DCC: variants seen among roughly 807,000 people sequenced by gnomAD.
DCC encodes DCC netrin 1 receptor, also known as netrin receptor DCC.
Under a neutral mutation model 172.5 loss-of-function variants are expected in DCC, and 58 were observed. That is an observed-to-expected ratio of 0.34 (90% CI 0.27 to 0.42). The LOEUF (loss-of-function observed/expected upper bound fraction) is 0.42. Among genes scored for constraint, DCC ranks in the 10% least tolerant of loss-of-function variants. The pLI, the probability that DCC is intolerant of heterozygous loss-of-function variation, is 1.00. For synonymous variants in DCC, 709 were observed against 644.5 expected, an observed-to-expected ratio of 1.10 and a Z score of -1.52; for missense variants, 1,740 against 1,791.0, an observed-to-expected ratio of 0.97 and a Z score of 0.51.
At chr18:52,804,018 G>A (rs9951937) in intron 2 of DCC, among the ~76,000 whole-genome samples, 6,218 of 152,212 alleles carry the variant, frequency 0.041, 152 homozygotes, top group Admixed American at 0.052. Flanking sequence ...GGACTCGGGC[G>A]TCTGGGTGAT....
At chr18:52,921,779 G>A (rs1191906080) in intron 3 of DCC, among the ~76,000 whole-genome samples, 4 of 151,212 alleles carry the variant, frequency 2.6e-5, no homozygotes, top group South Asian at 2.1e-4. Flanking sequence ...TAGTAGCATC[G>A]TTGATAGGTC....
chr18:53,331,471 T>C (rs2057529060), intron 14 of DCC, among the ~76,000 whole-genome samples: 1 of 152,172 alleles, frequency 6.6e-6, no homozygotes, highest in Non-Finnish European at 1.5e-5. Context: ...TAGTTGAAGC[T>C]GGTATCCTTA....
intron 13 of DCC, among the ~76,000 whole-genome samples, chr18:53,311,712 A>G (rs1313617957): frequency 1.3e-5 from 2 of 152,184 alleles, no homozygotes; most frequent in Admixed American, 6.5e-5. Flanking sequence ...GCTAAAAGCT[A>G]TATGTGTGTT....
rs950139814 is a variant in DCC, at chr18:53,534,497, T to A, written c.*3844T>A. On this transcript the variant is annotated 3_prime_UTR_variant, in exon 29 of 29. Coordinates refer to ENST00000442544, the MANE Select transcript of DCC (RefSeq NM_005215.4). ...AGCAGCCATACACTCAAGTCTCTGT[T>A]TTTGTAAATCACATTCAAAGCAACA... 1 of 152,208 alleles carries A rather than the reference T, an allele frequency of 6.6e-6. No homozygotes were observed. The highest frequency in any genetic ancestry group is 2.4e-5 in the African/African-American group (1 of 41,456). 9.4% of individuals were successfully genotyped at this position (152,208 alleles called of 1,614,324 possible).
intron 9 of DCC, among the ~76,000 whole-genome samples, chr18:53,203,007 C>A (rs907436244): frequency 6.6e-6 from 1 of 152,046 alleles, no homozygotes; most frequent in African/African-American, 2.4e-5. Flanking sequence ...GGGAGTGCTA[C>A]ACAAATGACA....
chr18:53,023,360 AAAAT>A (rs1686487114), intron 5 of DCC, among the ~76,000 whole-genome samples: 1 of 149,358 alleles, frequency 6.7e-6, no homozygotes. Context: ...AAAAAAAATA[AAAAT>A]AAAAATAAAA....
chr18:52,875,408 ATCTG>A (rs2039388951), intron 2 of DCC, among the ~76,000 whole-genome samples: 1 of 152,178 alleles, frequency 6.6e-6, no homozygotes, highest in African/African-American at 2.4e-5. Flanking sequence ...TAGCATTACA[ATCTG>A]TCTGTCTTCC....
At chr18:52,489,332 C>A (rs1219433300) in intron 1 of DCC, among the ~76,000 whole-genome samples, 4 of 152,106 alleles carry the variant, frequency 2.6e-5, no homozygotes, top group Non-Finnish European at 5.9e-5. Context: ...CATATTTTAA[C>A]CTGACCTCAG....
At chr18:53,154,937 A>G (rs1305948822) in intron 7 of DCC, among the ~76,000 whole-genome samples, 1 of 152,174 alleles carries the variant, frequency 6.6e-6, no homozygotes, top group Non-Finnish European at 1.5e-5. Context: ...CCAGGCATCA[A>G]TCTTTTCCTC....
At chr18:53,484,365 T>C (rs548904094) in intron 25 of DCC, among the ~76,000 whole-genome samples, 57 of 151,940 alleles carry the variant, frequency 3.8e-4, no homozygotes, top group Non-Finnish European at 6.3e-4. Context: ...TGTAACAATA[T>C]ATAAAGACAA....
chr18:52,817,373 C>T (rs2038319535), intron 2 of DCC, among the ~76,000 whole-genome samples: 1 of 152,040 alleles, frequency 6.6e-6, no homozygotes, highest in Non-Finnish European at 1.5e-5. Context: ...TACTCACAAA[C>T]TCTGAGAATA....
At chr18:53,304,554 A>G (rs150709477) in intron 12 of DCC, among the ~76,000 whole-genome samples, 95 of 152,162 alleles carry the variant, frequency 6.2e-4, no homozygotes, top group African/African-American at 1.8e-3. Flanking sequence ...AATATCTCTG[A>G]AACTTTGGCC....
intron 2 of DCC, among the ~76,000 whole-genome samples, chr18:52,763,728 C>T (rs2037198816): frequency 6.6e-6 from 1 of 152,144 alleles, no homozygotes; most frequent in South Asian, 2.1e-4. Context: ...AATTCCATAA[C>T]ATTTTCATCA....
rs567686358 is a variant in DCC at position 52,765,556 on chromosome 18, C to G, written c.412+13182C>G. ...AACTGGCCCCCTAGACTAGGAGAGG[C>G]TCCATCTTCTTTGTGCTCACCGTAA... On this transcript the variant is annotated intron_variant, in intron 2 of 28. Transcript: ENST00000442544. Among the ~76,000 whole-genome samples, 3 of 152,302 alleles carry G rather than the reference C, an allele frequency of 2.0e-5. No individual in the cohort carries two copies. In the East Asian group the frequency reaches 5.8e-4, roughly 29 times the overall value.
intron 5 of DCC, among the ~76,000 whole-genome samples, chr18:52,947,553 G>A (rs536045949): frequency 2.4e-4 from 36 of 152,276 alleles, no homozygotes; most frequent in African/African-American, 8.2e-4. Context: ...TACACTCTGC[G>A]AAGGTGTAAC....
At chr18:52,651,874 A>T (rs1169871263) in intron 1 of DCC, among the ~76,000 whole-genome samples, 2 of 152,182 alleles carry the variant, frequency 1.3e-5, no homozygotes, top group African/African-American at 4.8e-5. Context: ...AGGGGAAGAA[A>T]TTAACTGGTT....
chr18:52,751,909 T>TA (rs2037000531), intron 1 of DCC, 145 bp from the exon 2 acceptor site: 2 of 695,108 alleles, frequency 2.9e-6, no homozygotes, highest in East Asian at 5.4e-5. Flanking sequence ...TAACATAATA[T>TA]CCTTGATTTT....
chr18:52,790,163 T>A (rs1301117075), intron 2 of DCC, among the ~76,000 whole-genome samples: 1 of 152,114 alleles, frequency 6.6e-6, no homozygotes, highest in Non-Finnish European at 1.5e-5. Context: ...TGGTTACAGG[T>A]ATTGCTCCCA....
At chr18:52,576,106 T>G (rs1169525781) in intron 1 of DCC, among the ~76,000 whole-genome samples, 1 of 152,146 alleles carries the variant, frequency 6.6e-6, no homozygotes, top group Non-Finnish European at 1.5e-5. Flanking sequence ...TTTAAAAAGA[T>G]CAGTTAATCA....
Sources: allele counts gnomAD v4.1 joint callset (sites outside exome capture counted in the v4.1 genomes callset), GRCh38; gene constraint gnomAD v4.1.1; transcripts MANE v1.5; gene names NCBI Gene and HGNC (gene_info 2026-07-23, HGNC 2026-07-21).